Variants in LINGO3 observed in about 807,000 individuals in gnomAD.
LINGO3 encodes the protein leucine rich repeat and Ig domain containing 3, also known as leucine-rich repeat and immunoglobulin-like domain-containing nogo receptor-interacting protein 3.
For synonymous variants in LINGO3, 427 were observed against 444.2 expected, an observed-to-expected ratio of 0.96 and a Z score of 0.49; for missense variants, 750 against 867.7, an observed-to-expected ratio of 0.86 and a Z score of 1.70.
chr19:2,300,025 T>TTA, the LINGO3 span, among the ~76,000 whole-genome samples: 2 of 135,970 alleles, frequency 1.5e-5, no homozygotes, highest in Non-Finnish European at 3.2e-5. Flanking sequence ...CCTGGCCTCT[T>TTA]TTTTTTTTTT....
chr19:2,304,488 G>A, the LINGO3 span, among the ~76,000 whole-genome samples: 1 of 152,148 alleles, frequency 6.6e-6, no homozygotes, highest in Non-Finnish European at 1.5e-5. Context: ...GAGATCAGGA[G>A]ATCATTCCGG....
At chr19:2,300,065 C>G in the LINGO3 span, among the ~76,000 whole-genome samples, 14 of 136,984 alleles carry the variant, frequency 1.0e-4, no homozygotes, top group Non-Finnish European at 2.2e-4. Flanking sequence ...GAGTCTCACT[C>G]TGTCACCCAG....
the LINGO3 span, among the ~76,000 whole-genome samples, chr19:2,303,913 G>A: frequency 1.3e-5 from 2 of 152,242 alleles, no homozygotes; most frequent in African/African-American, 4.8e-5. Flanking sequence ...GCCACTGACT[G>A]CCTTGGGCAG....
the LINGO3 span, among the ~76,000 whole-genome samples, chr19:2,298,373 G>C: frequency 1.3e-5 from 2 of 150,648 alleles, no homozygotes; most frequent in Admixed American, 1.3e-4. Context: ...TGGGATTATA[G>C]GCAAGTGCCA....
At chr19:2,302,783 C>G in the LINGO3 span, among the ~76,000 whole-genome samples, 17 of 152,218 alleles carry the variant, frequency 1.1e-4, no homozygotes, top group African/African-American at 4.1e-4. Context: ...GGCAGGGGGG[C>G]CGGGCCGGCG....
chr19:2,298,764 C>T, the LINGO3 span, among the ~76,000 whole-genome samples: 1,164 of 152,230 alleles, frequency 7.6e-3, 10 homozygotes, highest in Non-Finnish European at 0.013. Flanking sequence ...TGGTCTCGAA[C>T]TCCTGACCTC....
chr19:2,290,946 C>T lies in LINGO3; in HGVS notation c.831G>A (p.Leu277=). ...GCACCGTGCTGATGGGGTTGTGCGA[C>T]AGATTGAGGCAGGTGAGGTGCGCCT... Residue 277 remains leucine (L), a synonymous_variant, in exon 1 of 1, where the codon CTG becomes CTA. Coordinates refer to ENST00000585527, the Ensembl canonical transcript of LINGO3. This position sits in a 1 kb window ranked among gnomAD's most constrained non-coding sequence, Gnocchi z 6.0. The T allele has an allele frequency of 6.2e-7, 1 of 1,611,920 alleles. No individual in the cohort carries two copies. The highest frequency in any genetic ancestry group is 2.2e-5 in the East Asian group (1 of 44,848).
chr19:2,288,472 G>A (rs1369006475), downstream of LINGO3, among the ~76,000 whole-genome samples: 1 of 152,184 alleles, frequency 6.6e-6, no homozygotes, highest in East Asian at 1.9e-4. This position sits in a 1 kb window ranked among gnomAD's most constrained non-coding sequence, Gnocchi z 6.5. Flanking sequence ...GTGTACCTAG[G>A]GGCAAAAGTC....
At chr19:2,302,868 C>T in the LINGO3 span, among the ~76,000 whole-genome samples, 11 of 152,186 alleles carry the variant, frequency 7.2e-5, no homozygotes, top group Non-Finnish European at 1.6e-4. Context: ...CCTGTGCTGG[C>T]CCCCGCCATG....
chr19:2,307,181 G>A, the LINGO3 span, among the ~76,000 whole-genome samples: 1 of 152,176 alleles, frequency 6.6e-6, no homozygotes, highest in African/African-American at 2.4e-5. Flanking sequence ...CGGAGCAAGG[G>A]TGTCTGCAGC....
upstream of LINGO3, among the ~76,000 whole-genome samples, chr19:2,293,031 G>A (rs1193873129): frequency 6.6e-6 from 1 of 151,744 alleles, no homozygotes; most frequent in Non-Finnish European, 1.5e-5. Context: ...AGTGAGAGAC[G>A]CGACACAAAA....
the LINGO3 span, among the ~76,000 whole-genome samples, chr19:2,306,973 C>T: frequency 2.6e-5 from 4 of 152,156 alleles, no homozygotes; most frequent in African/African-American, 9.7e-5. Flanking sequence ...CTCCCTGAAC[C>T]TGTTTCCAGC....
chr19:2,294,122 G>A (rs1180520486), upstream of LINGO3, among the ~76,000 whole-genome samples: 3 of 152,172 alleles, frequency 2.0e-5, no homozygotes, highest in Non-Finnish European at 4.4e-5. The surrounding 1 kb of genome is among the most constrained non-coding windows in gnomAD (Gnocchi z 4.3). Flanking sequence ...TTGGAATCAG[G>A]GTCTTTACAG....
At chr19:2,295,011 G>A (rs2025561102), upstream of LINGO3, among the ~76,000 whole-genome samples, 1 of 152,184 alleles carries the variant, frequency 6.6e-6, no homozygotes, top group Admixed American at 6.5e-5. Flanking sequence ...ACTGGCCTTC[G>A]ATCCTCATTT....
the LINGO3 span, among the ~76,000 whole-genome samples, chr19:2,301,774 A>T: frequency 6.6e-6 from 1 of 151,740 alleles, no homozygotes; most frequent in Non-Finnish European, 1.5e-5. Flanking sequence ...AAAAAATACA[A>T]AAAATTAGCC....
chr19:2,307,879 G>A, the LINGO3 span, among the ~76,000 whole-genome samples: 8 of 152,098 alleles, frequency 5.3e-5, no homozygotes, highest in African/African-American at 1.9e-4. Context: ...TGGGGAGTTC[G>A]CCCCCAAAGT....
At chr19:2,303,625 C>A in the LINGO3 span, among the ~76,000 whole-genome samples, 1 of 152,216 alleles carries the variant, frequency 6.6e-6, no homozygotes, top group Non-Finnish European at 1.5e-5. Context: ...AAGAGCATGG[C>A]GAGATCTGGG....
chr19:2,294,461 G>A (rs1405993441), upstream of LINGO3, among the ~76,000 whole-genome samples: 2 of 152,248 alleles, frequency 1.3e-5, no homozygotes, highest in East Asian at 1.9e-4. The surrounding 1 kb of genome is among the most constrained non-coding windows in gnomAD (Gnocchi z 4.3). Flanking sequence ...GGTTTGTGGC[G>A]CCGTGTTCTG....
At chr19:2,296,958 G>A (rs1599166829), upstream of LINGO3, among the ~76,000 whole-genome samples, 1 of 151,678 alleles carries the variant, frequency 6.6e-6, no homozygotes, top group African/African-American at 2.4e-5. Context: ...CGGGCGTGGT[G>A]GCGGGCGCCC....
Sources: allele counts gnomAD v4.1 joint callset (sites outside exome capture counted in the v4.1 genomes callset), GRCh38; gene constraint gnomAD v4.1.1; non-coding constraint Gnocchi (gnomAD v3.1); transcripts MANE v1.5; gene names NCBI Gene and HGNC (gene_info 2026-07-23, HGNC 2026-07-21).